The following GALNT2 variants were observed in gnomAD, a reference collection of about 807,000 sequenced individuals.
GALNT2 encodes UDP-GalNAc:polypeptide N-acetylgalactosaminyltransferase 2.
GALNT2 carries 31 observed loss-of-function variants against 81.4 expected under a neutral mutation model. That is an observed-to-expected ratio of 0.38 (90% confidence interval 0.29 to 0.51). GALNT2 has a LOEUF of 0.51. GALNT2 is among the 20% of genes least tolerant of loss of function. GALNT2 has a pLI of 0.87. For synonymous variants in GALNT2, 303 were observed against 287.4 expected (o/e 1.05, Z -0.55); for missense variants, 629 against 765.7 (o/e 0.82, Z 2.11).
chr1:230,126,673 C>T (rs1661193529), intron 1 of GALNT2, among the ~76,000 whole-genome samples: 1 of 152,114 alleles, frequency 6.6e-6, no homozygotes, highest in African/African-American at 2.4e-5. Flanking sequence ...ATTGTAATAT[C>T]GCATCTATGG....
intron 1 of GALNT2, among the ~76,000 whole-genome samples, chr1:230,072,869 C>T (rs1319713288): frequency 6.6e-6 from 1 of 152,212 alleles, no homozygotes; most frequent in African/African-American, 2.4e-5. Context: ...CCATAGTGAA[C>T]ATGCTGATTG....
At position 230,067,367 on chromosome 1, in the gene GALNT2, T is replaced by C. The variant is rs1489545398; in HGVS notation, c.87T>C (p.Ser29=). ...IAYYMYSGGG[S]ALAGGAGGGA... ...ACTACATGTACTCGGGGGGCGGCTC[T>C]GCGCTGGCCGGGGGCGCGGGCGGCG... The change falls in exon 1 of 16, where the codon TCT becomes TCC. Residue 29 remains serine, a synonymous_variant. Coordinates refer to ENST00000366672, the MANE Select transcript of GALNT2 (RefSeq NM_004481.5). 16 of 1,336,824 alleles carry C rather than the reference T, an allele frequency of 1.2e-5. No homozygotes were observed. The highest frequency in any genetic ancestry group is 3.1e-5 in the Admixed American group (1 of 31,954). 82.8% of individuals were successfully genotyped at this position (1,336,824 alleles called of 1,614,324 possible).
intron 2 of GALNT2, among the ~76,000 whole-genome samples, chr1:230,191,421 G>C (rs950165125): frequency 6.6e-6 from 1 of 152,254 alleles, no homozygotes; most frequent in Non-Finnish European, 1.5e-5. Context: ...TATTTGAAAG[G>C]CTACCATATA....
chr1:230,244,205 C>T (rs186278238), intron 7 of GALNT2, among the ~76,000 whole-genome samples: 249 of 152,044 alleles, frequency 1.6e-3, no homozygotes, highest in African/African-American at 5.8e-3. Context: ...TACTAAGTAA[C>T]CACAAGCTAC....
chr1:230,170,069 G>C (rs533611795), intron 1 of GALNT2, among the ~76,000 whole-genome samples: 127 of 152,250 alleles, frequency 8.3e-4, no homozygotes, highest in African/African-American at 3.0e-3. Flanking sequence ...CCAAAACTTG[G>C]CCTTTCTGTC....
At chr1:230,171,613 A>G (rs941970004) in intron 1 of GALNT2, among the ~76,000 whole-genome samples, 3 of 152,108 alleles carry the variant, frequency 2.0e-5, no homozygotes, top group Non-Finnish European at 4.4e-5. Context: ...CAGCCCATTT[A>G]TTTTCTGTTT....
intron 1 of GALNT2, among the ~76,000 whole-genome samples, chr1:230,103,070 A>G (rs1458540446): frequency 6.6e-6 from 1 of 152,204 alleles, no homozygotes; most frequent in Non-Finnish European, 1.5e-5. Context: ...AGAGACTCCT[A>G]TAACTCTATC....
chr1:230,201,682 C>T (rs1483070820), intron 2 of GALNT2, among the ~76,000 whole-genome samples: 2 of 152,174 alleles, frequency 1.3e-5, no homozygotes, highest in Non-Finnish European at 2.9e-5. Context: ...CCCTGCCTTC[C>T]CCTCTCCAAC....
At position 230,204,286 on chromosome 1, in the gene GALNT2, A is replaced by G. The variant is rs370535028; in HGVS notation, c.374+996A>G. Among the ~76,000 whole-genome samples the G allele has an allele frequency of 1.2e-4, 18 of 151,992 alleles. No individual in the cohort carries two copies. The East Asian group carries it at 3.3e-3, about 28-fold the overall frequency. On this transcript the variant is annotated intron_variant, in intron 3 of 15. Coordinates refer to ENST00000366672, the MANE Select transcript of GALNT2 (RefSeq NM_004481.5). ...CCCAGGTTCAAGCAATTTGTGGCTC[A>G]GCCTCCCGAGTATCTGGAATTACAG...
intron 1 of GALNT2, among the ~76,000 whole-genome samples, chr1:230,125,915 C>T (rs1035093326): frequency 6.6e-6 from 1 of 152,180 alleles, no homozygotes; most frequent in Admixed American, 6.5e-5. Context: ...CTTTCTTTTC[C>T]TCTCTTCATT....
At chr1:230,148,424 A>G (rs1302016450) in intron 1 of GALNT2, among the ~76,000 whole-genome samples, 1 of 152,208 alleles carries the variant, frequency 6.6e-6, no homozygotes, top group Non-Finnish European at 1.5e-5. Context: ...GGTGCATCCA[A>G]CAGGTCCCAC....
At chr1:230,272,853 C>T (rs745419183) in intron 14 of GALNT2, among the ~76,000 whole-genome samples, 3 of 152,166 alleles carry the variant, frequency 2.0e-5, no homozygotes, top group Non-Finnish European at 2.9e-5. Flanking sequence ...ACTGCAGCCT[C>T]GGCCTCCCAG....
intron 2 of GALNT2, among the ~76,000 whole-genome samples, chr1:230,185,275 T>C (rs1191323552): frequency 8.9e-6 from 1 of 112,114 alleles, no homozygotes. Flanking sequence ...CGTGCGTGCG[T>C]GTGTGTGTGT....
intron 11 of GALNT2, among the ~76,000 whole-genome samples, chr1:230,258,194 C>T (rs940113230): frequency 6.6e-6 from 1 of 152,012 alleles, no homozygotes; most frequent in Non-Finnish European, 1.5e-5. Flanking sequence ...GGATTACAGG[C>T]GTGAGCCACC....
At chr1:230,178,376 C>G in intron 2 of GALNT2, 65 bp downstream of exon 2, 3 of 1,231,166 alleles carry the variant, frequency 2.4e-6, no homozygotes, top group Non-Finnish European at 3.5e-6. Flanking sequence ...CTGAGCATGG[C>G]TCTTGGAGCA....
At chr1:230,094,481 C>G (rs1660186413) in intron 1 of GALNT2, among the ~76,000 whole-genome samples, 1 of 151,842 alleles carries the variant, frequency 6.6e-6, no homozygotes, top group Admixed American at 6.6e-5. Context: ...ACTAAAAATA[C>G]AAAAAAATTA....
At chr1:230,120,511 T>C (rs1339811612) in intron 1 of GALNT2, among the ~76,000 whole-genome samples, 1 of 152,100 alleles carries the variant, frequency 6.6e-6, no homozygotes. Flanking sequence ...TGGGGAACAC[T>C]GTGTTCCATG....
chr1:230,200,253 G>A (rs1663848194), intron 2 of GALNT2, among the ~76,000 whole-genome samples: 1 of 151,884 alleles, frequency 6.6e-6, no homozygotes, highest in Non-Finnish European at 1.5e-5. Context: ...TAGTAGAGAT[G>A]GGGTTTCACC....
At chr1:230,256,396 A>C (rs1665716802) in intron 11 of GALNT2, among the ~76,000 whole-genome samples, 1 of 151,934 alleles carries the variant, frequency 6.6e-6, no homozygotes. Context: ...CAGTGGGCCA[A>C]GATCGTGCCT....
Sources: gnomAD v4.1 joint callset for allele counts (sites outside exome capture counted in the v4.1 genomes callset) on GRCh38, gnomAD v4.1.1 for gene constraint, MANE v1.5 for transcripts, NCBI Gene and HGNC (gene_info 2026-07-23, HGNC 2026-07-21) for gene names.